PDE1C: variants seen among roughly 807,000 people sequenced by gnomAD.
PDE1C encodes phosphodiesterase 1C.
PDE1C carries 62 observed loss-of-function variants against 93.1 expected under a neutral mutation model. That is an observed-to-expected ratio of 0.67 (90% CI 0.54 to 0.82). PDE1C has a LOEUF of 0.82. PDE1C is among the 40% of genes least tolerant of loss of function. PDE1C has a pLI of 0.00. For missense variants in PDE1C, 742 were observed against 884.6 expected, an observed-to-expected ratio of 0.84 and a Z score of 2.04; for synonymous variants, 325 against 310.1, an observed-to-expected ratio of 1.05 and a Z score of -0.50.
At chr7:32,147,042 AT>A (rs1800879992) in intron 3 of PDE1C, among the ~76,000 whole-genome samples, 1 of 152,122 alleles carries the variant, frequency 6.6e-6, no homozygotes, top group Non-Finnish European at 1.5e-5. Flanking sequence ...TATATACTAA[AT>A]CCCCACCAAG....
chr7:32,288,200 G>A (rs574520994), intron 1 of PDE1C, among the ~76,000 whole-genome samples: 13 of 152,194 alleles, frequency 8.5e-5, no homozygotes, highest in Non-Finnish European at 1.5e-4. Context: ...GTTCTGAAAC[G>A]AGTCACTCCG....
chr7:31,856,072 T>C (rs1793980166), intron 7 of PDE1C, among the ~76,000 whole-genome samples: 1 of 152,234 alleles, frequency 6.6e-6, no homozygotes, highest in Non-Finnish European at 1.5e-5. Flanking sequence ...ACAAACAGAT[T>C]ACAATGTTTT....
chr7:31,673,145 A>C, the PDE1C span, among the ~76,000 whole-genome samples: 1 of 152,194 alleles, frequency 6.6e-6, no homozygotes, highest in East Asian at 1.9e-4. Context: ...AAATGGACTA[A>C]TACAGTGGGG....
chr7:31,765,474 C>T (rs1389109348), intron 17 of PDE1C, among the ~76,000 whole-genome samples: 1 of 152,136 alleles, frequency 6.6e-6, no homozygotes, highest in Non-Finnish European at 1.5e-5. Flanking sequence ...TTCTTAACAA[C>T]GTGTGCATTT....
At chr7:31,795,817 C>T (rs1562811824) in intron 16 of PDE1C, among the ~76,000 whole-genome samples, 2 of 151,124 alleles carry the variant, frequency 1.3e-5, no homozygotes. Context: ...ATAGATATTC[C>T]CCAAATTCAT....
chr7:32,169,491 C>G (rs1481636247), intron 3 of PDE1C, among the ~76,000 whole-genome samples: 1 of 152,276 alleles, frequency 6.6e-6, no homozygotes, highest in South Asian at 2.1e-4. Flanking sequence ...AAGCAAAAGA[C>G]TCATTAATCC....
chr7:32,387,620 A>G (rs866737098), intron 1 of PDE1C, among the ~76,000 whole-genome samples: 48 of 120,750 alleles, frequency 4.0e-4, no homozygotes, highest in African/African-American at 1.2e-3. Flanking sequence ...GCGGCTGGCC[A>G]GGCGGGGGGC....
chr7:32,299,070 C>A lies in PDE1C; in HGVS notation c.-335G>T, dbSNP rs144996175. The A allele has an allele frequency of 1.8e-4, 195 of 1,102,998 alleles. 3 individuals are homozygous for A. The East Asian group carries it at 9.9e-3, about 56-fold the overall frequency. 68.3% of individuals were successfully genotyped at this position (1,102,998 alleles called of 1,614,324 possible). On this transcript the variant is annotated 5_prime_UTR_variant, in exon 1 of 19. Coordinates refer to the PDE1C transcript ENST00000396193. ...GGGCTGACCGGTGGGCGCGGAGATC[C>A]CTGCCTGGCCACGCTACTCTCTGTC...
chr7:31,692,626 C>T, the PDE1C span: 9 of 1,076,464 alleles, frequency 8.4e-6, no homozygotes, highest in African/African-American at 1.4e-4. Context: ...CCCCCCGAAA[C>T]CTGATAGTCT....
intron 2 of PDE1C, among the ~76,000 whole-genome samples, chr7:32,035,813 C>A (rs1253952833): frequency 6.6e-6 from 1 of 152,290 alleles, no homozygotes; most frequent in East Asian, 1.9e-4. Context: ...TAGCAGAGGG[C>A]AGCTCTTGCT....
At chr7:32,181,395 G>C (rs762497446) in intron 2 of PDE1C, among the ~76,000 whole-genome samples, 2 of 152,150 alleles carry the variant, frequency 1.3e-5, no homozygotes, top group Admixed American at 1.3e-4. Flanking sequence ...CACATAGTTG[G>C]AAGTAAAGCA....
intron 1 of PDE1C, among the ~76,000 whole-genome samples, chr7:32,260,199 G>C (rs1326498930): frequency 6.6e-6 from 1 of 152,208 alleles, no homozygotes; most frequent in Non-Finnish European, 1.5e-5. Flanking sequence ...AAGTCACAGA[G>C]GGAGGCAATG....
rs58174156 is a variant in PDE1C at position 32,299,236 on chromosome 7, A to T, written c.-501T>A. The stretch of plus-strand genomic sequence containing the variant: ...GTCTTCTAGATATGTTTTCTCTGGC[A>T]GACCGGGGAGCTTCCAGAAAGCACA... On this transcript the variant is annotated 5_prime_UTR_variant, in exon 1 of 19. Transcript: ENST00000396193. 99,568 of 987,822 alleles carry T rather than the reference A, an allele frequency of 0.1. 5,127 individuals carry two copies. The highest frequency in any genetic ancestry group is 0.14 in the East Asian group (1,196 of 8,840). 61.2% of individuals were successfully genotyped at this position (987,822 alleles called of 1,614,324 possible).
At chr7:32,405,304 T>A (rs1462055847) in intron 1 of PDE1C, among the ~76,000 whole-genome samples, 1 of 150,404 alleles carries the variant, frequency 6.6e-6, no homozygotes, top group Non-Finnish European at 1.5e-5. Flanking sequence ...CAAGCTGGAG[T>A]GCAATGGCAC....
chr7:32,204,922 G>A (rs191665220), intron 2 of PDE1C, among the ~76,000 whole-genome samples: 141 of 152,204 alleles, frequency 9.3e-4, no homozygotes, highest in Non-Finnish European at 1.1e-3. Context: ...ACCCTTTGAA[G>A]ACAAACCAAC....
chr7:32,246,445 C>A (rs1808963727), intron 1 of PDE1C, among the ~76,000 whole-genome samples: 1 of 123,892 alleles, frequency 8.1e-6, no homozygotes, highest in East Asian at 2.2e-4. Flanking sequence ...CAAGAAAGCC[C>A]AGAAGATCAG....
At chr7:32,206,849 A>G (rs1805596095) in intron 2 of PDE1C, among the ~76,000 whole-genome samples, 1 of 152,180 alleles carries the variant, frequency 6.6e-6, no homozygotes, top group Admixed American at 6.5e-5. Context: ...CTGCATTCAC[A>G]CAGCGCACTC....
chr7:31,812,576 G>A (rs1270029597), intron 15 of PDE1C, among the ~76,000 whole-genome samples: 3 of 152,068 alleles, frequency 2.0e-5, no homozygotes, highest in Admixed American at 2.0e-4. Flanking sequence ...ATGATATTAT[G>A]TAGAATTCAA....
intron 2 of PDE1C, among the ~76,000 whole-genome samples, chr7:32,047,836 T>C (rs968080056): frequency 6.6e-6 from 1 of 152,186 alleles, no homozygotes; most frequent in African/African-American, 2.4e-5. Flanking sequence ...TTCCCTTTGA[T>C]GTCCAAATCA....
Sources: gnomAD v4.1 joint callset for allele counts (sites outside exome capture counted in the v4.1 genomes callset) on GRCh38, gnomAD v4.1.1 for gene constraint, MANE v1.5 for transcripts, NCBI Gene and HGNC (gene_info 2026-07-23, HGNC 2026-07-21) for gene names.